Variants in AACS observed in about 807,000 individuals in gnomAD.
AACS encodes the protein acetoacetyl-CoA synthetase.
Under a neutral mutation model 83.1 loss-of-function variants are expected in AACS, and 69 were observed. The observed-to-expected ratio is 0.83, with a 90% CI of 0.68 to 1.01. The LOEUF is 1.01. Ranked by LOEUF, AACS falls within the 50% of genes least tolerant of loss-of-function variation. The pLI is 0.00. For missense variants in AACS, 866 were observed against 882.2 expected (o/e 0.98, Z 0.23); for synonymous variants, 333 against 343.4 (o/e 0.97, Z 0.33).
At chr12:125,096,528 A>G (rs970095444) in intron 5 of AACS, among the ~76,000 whole-genome samples, 17 of 151,858 alleles carry the variant, frequency 1.1e-4, no homozygotes, top group Admixed American at 9.8e-4. Flanking sequence ...GAGTGTTGGG[A>G]CTCACTTTGC....
intron 1 of AACS, among the ~76,000 whole-genome samples, chr12:125,067,380 C>T (rs1298392349): frequency 8.5e-5 from 13 of 152,188 alleles, no homozygotes; most frequent in Admixed American, 8.5e-4. Context: ...TGCCTTGATT[C>T]CATCTGTTTC....
At chr12:125,121,419 G>A (rs925560072) in intron 10 of AACS, 2 of 152,216 alleles carry the variant, frequency 1.3e-5, no homozygotes, top group African/African-American at 4.8e-5. Flanking sequence ...CACAGTCCTC[G>A]TGATGCTGTC....
intron 1 of AACS, 119 bp from the exon 2 acceptor site, chr12:125,073,757 T>C: frequency 1.4e-6 from 1 of 739,682 alleles, no homozygotes; most frequent in Non-Finnish European, 2.2e-6. Flanking sequence ...CCCAGACCAT[T>C]TCTCCTCAGA....
chr12:125,127,139 T>TA (rs1160176052), intron 12 of AACS: 107 of 142,514 alleles, frequency 7.5e-4, no homozygotes, highest in African/African-American at 2.2e-3. Context: ...AAACTCCGTC[T>TA]AAAAAAAAAA....
chr12:125,114,313 G>C, intron 8 of AACS, 164 bp from the exon 9 acceptor site: 1 of 555,542 alleles, frequency 1.8e-6, no homozygotes, highest in East Asian at 3.2e-5. Context: ...CTCATCACAG[G>C]GGAGTGGGGG....
intron 8 of AACS, among the ~76,000 whole-genome samples, chr12:125,111,106 G>A (rs550530566): frequency 3.3e-5 from 5 of 152,206 alleles, no homozygotes; most frequent in South Asian, 2.1e-4. Context: ...CTGGCTCAAC[G>A]GAGTTGCCTC....
intron 9 of AACS, among the ~76,000 whole-genome samples, 197 bp downstream of exon 9, chr12:125,114,754 C>T (rs1957022273): frequency 6.6e-6 from 1 of 151,020 alleles, no homozygotes; most frequent in African/African-American, 2.4e-5. Context: ...GTAAGGGCTT[C>T]CCCAGGCGCC....
rs1955672126 is a variant in AACS, at chr12:125,065,729, G to A, written c.133+12G>A. 6.6e-7 allele frequency: 1 copy of A among 1,522,510 alleles called. No individual in the cohort carries two copies. Among genetic ancestry groups the A allele is most frequent in the African/African-American group, 1.4e-5 (1 of 70,642 alleles). The allele number at this position is 1,522,510 out of a possible 1,614,324, so 94.3% of individuals were successfully genotyped here. On this transcript the variant is annotated intron_variant, in intron 1 of 17. Transcript: ENST00000316519. ...CGGCCTGGCGCTGGGTGAGAGTCGG[G>A]CGCGCGGCCGGGCCTGCGGGGGATG... is the stretch of plus-strand genomic sequence containing the variant.
intron 8 of AACS, among the ~76,000 whole-genome samples, chr12:125,112,023 A>C (rs1254083410): frequency 6.6e-5 from 10 of 152,176 alleles, no homozygotes; most frequent in African/African-American, 2.4e-4. Context: ...GAAGCTGTAG[A>C]GTTAAGTGCT....
Position 125,128,256 on chromosome 12 carries a change from G to A in AACS, c.1405G>A (p.Glu469Lys). The A allele has an allele frequency of 6.2e-7, 1 of 1,612,084 alleles. No homozygotes were observed. Among genetic ancestry groups the A allele is most frequent in the South Asian group, 1.1e-5 (1 of 90,732 alleles). The stretch of plus-strand genomic sequence containing the variant: ...GGCCCGGAACCTGGGCATGGCCGTG[G>A]AAGCGTGGAACGAGGAAGGTGATGG... The part of the protein sequence containing the change: ...IQARNLGMAV[E>K]AWNEEGKAVW... The change falls in exon 13 of 18, where the codon GAA (glutamate) becomes AAA (lysine). Residue 469 changes from glutamate (E) to lysine (K), a missense_variant. By Grantham distance (56) the Glu-to-Lys change is moderately conservative. Transcript: ENST00000316519.
rs1040459349 is a variant in AACS at position 125,113,712 on chromosome 12, T to G, written c.916-765T>G. Among the ~76,000 whole-genome samples, 4 of 152,260 alleles carry G rather than the reference T, an allele frequency of 2.6e-5. No individual in the cohort carries two copies. Among genetic ancestry groups the G allele is most frequent in the South Asian group, 2.1e-4 (1 of 4,814 alleles). ...GTCACAATGAACAAAATGGCATTAA[T>G]AAATATGTGCCGGCATCAGCAAGAA... On this transcript the variant is annotated intron_variant, in intron 8 of 17. Coordinates refer to ENST00000316519, the MANE Select transcript of AACS (RefSeq NM_023928.5). This position sits in a 1 kb window ranked among gnomAD's most constrained non-coding sequence, Gnocchi z 4.8.
rs762994345 is a variant in AACS at position 125,129,401 on chromosome 12, A to C, written c.1490A>C (p.His497Pro). 10 of 1,614,054 alleles carry C rather than the reference A, an allele frequency of 6.2e-6. No individual in the cohort carries two copies. The highest frequency in any genetic ancestry group is 8.5e-6 in the Non-Finnish European group (10 of 1,179,990). The part of the protein sequence containing the change: ...CTKPIPCQPT[H>P]FWNDENGNKY... Reference sequence around the variant, plus strand: ...AAGCCGATCCCTTGCCAGCCCACACACTTCTGGAACGATGAGAACGGCAAC... The same window carrying C: ...AAGCCGATCCCTTGCCAGCCCACACCCTTCTGGAACGATGAGAACGGCAAC... The change falls in exon 14 of 18, where the codon CAC becomes CCC. Residue 497 changes from histidine (H) to proline (P), a missense_variant. Transcript: ENST00000316519. The surrounding 1 kb of genome is among the most constrained non-coding windows in gnomAD (Gnocchi z 4.3).
chr12:125,136,573 GC>G, intron 16 of AACS, 88 bp from the exon 17 acceptor site: 3 of 1,097,796 alleles, frequency 2.7e-6, no homozygotes, highest in Non-Finnish European at 2.7e-6. Context: ...GACCCAGCCT[GC>G]CCCTCCTGCT....
intron 9 of AACS, 122 bp downstream of exon 9, chr12:125,114,679 C>T (rs1957018904): frequency 1.6e-6 from 1 of 636,728 alleles, no homozygotes; most frequent in African/African-American, 1.8e-5. Context: ...GTAAGGGCTT[C>T]CCCAGGTGCT....
At chr12:125,085,619 A>G (rs1419768081) in intron 3 of AACS, among the ~76,000 whole-genome samples, 1 of 152,234 alleles carries the variant, frequency 6.6e-6, no homozygotes, top group Non-Finnish European at 1.5e-5. Flanking sequence ...TGCATGTTGC[A>G]TCCATTTCTG....
At position 125,086,365 on chromosome 12, in the gene AACS, G is replaced by A; in HGVS notation, c.394G>A (p.Glu132Lys). Residue 132 changes from glutamate (E) to lysine (K), a missense_variant, in exon 4 of 18, where the codon GAA (glutamate) becomes AAA (lysine). Glu to Lys is a moderately conservative substitution (Grantham distance 56). Coordinates refer to ENST00000316519, the MANE Select transcript of AACS (RefSeq NM_023928.5). ...AGAGGAAATTGTGAAGGTGACTTTT[G>A]AAGAGCTGAGGCAAGAAGTGGCTTT... ...GKEEIVKVTF[E>K]ELRQEVALFA... 1 of 1,614,166 alleles carries A rather than the reference G, an allele frequency of 6.2e-7. No individual in the cohort carries two copies. Among genetic ancestry groups the A allele is most frequent in the Non-Finnish European group, 8.5e-7 (1 of 1,180,026 alleles).
chr12:125,129,529 G>C lies in AACS; in HGVS notation c.1549+69G>C. 1 of 1,554,146 alleles carries C rather than the reference G, an allele frequency of 6.4e-7. No individual in the cohort carries two copies. The highest frequency in any genetic ancestry group is 8.7e-7 in the Non-Finnish European group (1 of 1,148,654). ...GGCTGGGCCTTCTGTGTCTAATTCT[G>C]TACCATCGTGCCCCTCCCCTCTTCC... On this transcript the variant is annotated intron_variant, in intron 14 of 17. Transcript: ENST00000316519. This position sits in a 1 kb window ranked among gnomAD's most constrained non-coding sequence, Gnocchi z 4.3.
intron 10 of AACS, among the ~76,000 whole-genome samples, chr12:125,119,421 C>T (rs1957115416): frequency 6.6e-6 from 1 of 152,170 alleles, no homozygotes; most frequent in Non-Finnish European, 1.5e-5. Flanking sequence ...CATTTTCCTA[C>T]TGCTATGAAG....
At chr12:125,131,787 C>G (rs12300128) in intron 14 of AACS, among the ~76,000 whole-genome samples, 1 of 151,844 alleles carries the variant, frequency 6.6e-6, no homozygotes, top group Non-Finnish European at 1.5e-5. Context: ...TTAGCGGAGA[C>G]GGTGTTTCAC....
Sources: gnomAD v4.1 joint callset for allele counts (sites outside exome capture counted in the v4.1 genomes callset) on GRCh38, gnomAD v4.1.1 for gene constraint, Gnocchi (gnomAD v3.1) non-coding constraint, MANE v1.5 for transcripts, NCBI Gene and HGNC (gene_info 2026-07-23, HGNC 2026-07-21) for gene names.